The following SBF2 variants were observed in gnomAD, a reference collection of about 807,000 sequenced individuals.
SBF2 encodes the protein SET binding factor 2.
SBF2 carries 112 observed loss-of-function variants against 225.2 expected under a neutral mutation model. The ratio of observed to expected loss-of-function variants is 0.50; its 90% CI spans 0.43 to 0.58. The LOEUF (loss-of-function observed/expected upper bound fraction) is 0.58. Among genes scored for constraint, SBF2 ranks in the 20% least tolerant of loss-of-function variants. The pLI is 0.00. For missense variants in SBF2, 1,996 were observed against 2,206.2 expected (o/e 0.90, Z 1.91); for synonymous variants, 763 against 773.3 (o/e 0.99, Z 0.22).
intron 16 of SBF2, among the ~76,000 whole-genome samples, chr11:9,935,894 T>C (rs1455904486): frequency 2.0e-5 from 3 of 152,178 alleles, no homozygotes; most frequent in Non-Finnish European, 1.5e-5. Flanking sequence ...GACACAGGCA[T>C]TGGTAAGGAC....
At chr11:10,295,044 C>T (rs1964448414), upstream of SBF2, among the ~76,000 whole-genome samples, 1 of 152,214 alleles carries the variant, frequency 6.6e-6, no homozygotes, top group Non-Finnish European at 1.5e-5. Flanking sequence ...TTGACCATTT[C>T]GAATTTGGCT....
At chr11:10,203,913 T>A (rs772414839) in intron 1 of SBF2, among the ~76,000 whole-genome samples, 15 of 151,054 alleles carry the variant, frequency 9.9e-5, no homozygotes, top group South Asian at 2.1e-4. Context: ...GTAACAGGAG[T>A]CAGGAGTCCC....
intron 1 of SBF2, chr11:10,271,924 T>C (rs1211562345): frequency 2.1e-6 from 1 of 468,958 alleles, no homozygotes; most frequent in East Asian, 3.3e-5. Context: ...ATTTTGGCTA[T>C]AGGACCAGGC....
chr11:10,201,999 AT>A (rs1319561949), intron 1 of SBF2, among the ~76,000 whole-genome samples: 7 of 152,280 alleles, frequency 4.6e-5, no homozygotes, highest in Admixed American at 3.3e-4. Flanking sequence ...CTGAGAATGT[AT>A]AAATCCAGCA....
At chr11:10,090,341 T>C (rs1267157457) in intron 2 of SBF2, among the ~76,000 whole-genome samples, 2 of 152,220 alleles carry the variant, frequency 1.3e-5, no homozygotes, top group Admixed American at 1.3e-4. Flanking sequence ...TTTTATGTTA[T>C]ATATATTTTA....
intron 2 of SBF2, among the ~76,000 whole-genome samples, chr11:10,104,494 C>T (rs142024800): frequency 4.6e-5 from 7 of 152,312 alleles, no homozygotes; most frequent in African/African-American, 1.4e-4. Flanking sequence ...TCCTAACTTC[C>T]GCAACGTAGG....
chr11:10,061,600 T>G (rs1184150405), intron 2 of SBF2, among the ~76,000 whole-genome samples: 4 of 150,748 alleles, frequency 2.7e-5, no homozygotes, highest in African/African-American at 9.7e-5. Flanking sequence ...TTCCCACACA[T>G]AAAATAATAA....
rs1318268934 is a variant in SBF2, at chr11:10,303,905, T to G, written n.386+587A>C. Among the ~76,000 whole-genome samples, 1 of 152,158 alleles carries G rather than the reference T, an allele frequency of 6.6e-6. No individual in the cohort carries two copies. Among genetic ancestry groups the G allele is most frequent in the Non-Finnish European group, 1.5e-5 (1 of 68,030 alleles). On this transcript the variant is annotated intron_variant and non_coding_transcript_variant, in intron 1 of 5. Transcript: ENST00000685217. This position sits in a 1 kb window ranked among gnomAD's most constrained non-coding sequence, Gnocchi z 5.2. Reference sequence around the variant, plus strand: ...CAAACGTGTCTAGCGTGATTCATCATGAACAGGCACAAATTCTTTGGGCGG... The same window carrying G: ...CAAACGTGTCTAGCGTGATTCATCAGGAACAGGCACAAATTCTTTGGGCGG...
At chr11:9,853,486 TG>T in intron 20 of SBF2, 53 bp downstream of exon 20, 1 of 1,520,806 alleles carries the variant, frequency 6.6e-7, no homozygotes, top group South Asian at 1.1e-5. Context: ...GGTTTTATGC[TG>T]AAACTCAATA....
rs1860668272 is a variant in SBF2 at position 9,890,036 on chromosome 11, T to C, written c.1929+5907A>G. Among the ~76,000 whole-genome samples, 5 of 152,154 alleles carry C rather than the reference T, an allele frequency of 3.3e-5. No individual in the cohort carries two copies. In the South Asian group the frequency reaches 1.0e-3, roughly 32 times the overall value. On this transcript the variant is annotated intron_variant, in intron 17 of 39. Transcript: ENST00000256190. ...CTTCTGTCTCGGCCTCCCAAGTAAC[T>C]GGGACTACAGAAGTGTGCCACCATG...
chr11:9,982,110 C>T (rs2134436125), intron 13 of SBF2, among the ~76,000 whole-genome samples: 1 of 152,340 alleles, frequency 6.6e-6, no homozygotes, highest in Middle Eastern at 3.4e-3. Flanking sequence ...TGCATTTCCT[C>T]TATCCATGGA....
At chr11:10,224,608 A>G (rs1958467817) in intron 1 of SBF2, among the ~76,000 whole-genome samples, 1 of 152,132 alleles carries the variant, frequency 6.6e-6, no homozygotes, top group Non-Finnish European at 1.5e-5. Context: ...AAGTTCTTTC[A>G]TACCTAAAGT....
chr11:9,907,003 G>T (rs1443711124), intron 16 of SBF2, among the ~76,000 whole-genome samples: 2 of 152,116 alleles, frequency 1.3e-5, no homozygotes, highest in Admixed American at 1.3e-4. Context: ...AAACATTAAA[G>T]AAAAAACTAG....
Position 9,784,376 on chromosome 11 carries a change from AACC to A in SBF2, c.5291_5293del (p.Trp1764del). The A allele has an allele frequency of 6.2e-7, 1 of 1,614,150 alleles. No homozygotes were observed. The highest frequency in any genetic ancestry group is 8.5e-7 in the Non-Finnish European group (1 of 1,179,958). ...CTGATGTTTTGTTACATCCAAAACA[AACC>A]AACGGGGCTTCCAACCTTTCAGCAA... is the stretch of plus-strand genomic sequence containing the variant. On this transcript the variant is annotated inframe_deletion, in exon 38 of 40. Transcript: ENST00000256190.
intron 36 of SBF2, among the ~76,000 whole-genome samples, chr11:9,785,768 C>A (rs1255456838): frequency 2.0e-5 from 3 of 151,950 alleles, no homozygotes; most frequent in Non-Finnish European, 2.9e-5. Context: ...GGGATGATCA[C>A]CAGAACCCTG....
rs763359175 is a variant in SBF2, at chr11:10,028,754, GA to G, written c.514-198del. Among the ~76,000 whole-genome samples the G allele has an allele frequency of 1.6e-3, 248 of 152,314 alleles. 3 individuals are homozygous for G. The highest frequency in any genetic ancestry group is 2.2e-3 in the Admixed American group (34 of 15,294). Reference sequence around the variant, plus strand: ...AGTGGCATAAGAAAATTCAGTGGCTGAAAGTTGAAAATCTAGTAGAGATAAG... The same window carrying G: ...AGTGGCATAAGAAAATTCAGTGGCTGAAGTTGAAAATCTAGTAGAGATAAG... On this transcript the variant is annotated intron_variant, in intron 5 of 39. Coordinates refer to ENST00000256190, the MANE Select transcript of SBF2 (RefSeq NM_030962.4).
chr11:10,286,803 A>G (rs1462875650), intron 1 of SBF2, among the ~76,000 whole-genome samples: 1 of 152,244 alleles, frequency 6.6e-6, no homozygotes, highest in Non-Finnish European at 1.5e-5. Context: ...AAACTCTCAT[A>G]CATTGCTAGT....
Position 9,989,052 on chromosome 11 carries a change from A to ATATATATATATATATATATATATATG in SBF2, c.1395+444_1395+445insCATATATATATATATATATATATATA, listed in dbSNP as rs1347138364. On this transcript the variant is annotated intron_variant, in intron 13 of 39. Coordinates refer to ENST00000256190, the MANE Select transcript of SBF2 (RefSeq NM_030962.4). ...GAAACTGTGCCAAATATATATATAT[A>ATATATATATATATATATATATATATG]TATACATATGCATACATACACATAC... is the stretch of plus-strand genomic sequence containing the variant. Among the ~76,000 whole-genome samples, 87 of 151,632 alleles carry ATATATATATATATATATATATATATG rather than the reference A, an allele frequency of 5.7e-4. 1 individual carries two copies. The highest frequency in any genetic ancestry group is 7.0e-3 in the Middle Eastern group (2 of 286).
chr11:9,857,442 C>T (rs1283922406), intron 18 of SBF2, among the ~76,000 whole-genome samples: 1 of 152,196 alleles, frequency 6.6e-6, no homozygotes, highest in African/African-American at 2.4e-5. Context: ...ACCCCCGAAG[C>T]CCAGTAAATT....
Sources: allele counts gnomAD v4.1 joint callset (sites outside exome capture counted in the v4.1 genomes callset), GRCh38; gene constraint gnomAD v4.1.1; non-coding constraint Gnocchi (gnomAD v3.1); transcripts MANE v1.5; gene names NCBI Gene and HGNC (gene_info 2026-07-23, HGNC 2026-07-21).